PNKD: variants seen among roughly 807,000 people sequenced by gnomAD.
PNKD encodes the protein PNKD metallo-beta-lactamase domain containing, also known as probable thioesterase PNKD.
A neutral mutation model predicts 45.3 loss-of-function variants in PNKD; 36 were observed. The observed-to-expected ratio is 0.80, with a 90% CI of 0.61 to 1.05. The LOEUF (loss-of-function observed/expected upper bound fraction) is 1.05, where lower values mean the gene tolerates loss of function less well. PNKD is among the 50% of genes least tolerant of loss of function. The pLI, the probability that PNKD is intolerant of heterozygous loss-of-function variation, is 0.00. For synonymous variants in PNKD, 197 were observed against 210.1 expected (o/e 0.94, Z 0.54); for missense variants, 511 against 506.6 (o/e 1.01, Z -0.08).
At chr2:218,330,943 C>G (rs907912162) in intron 2 of PNKD, among the ~76,000 whole-genome samples, 18 of 152,188 alleles carry the variant, frequency 1.2e-4, no homozygotes, top group Admixed American at 2.6e-4. Flanking sequence ...ACTGGCCCAG[C>G]CTGCAAGGGA....
chr2:218,277,186 G>A, intron 2 of PNKD: 2 of 1,246,668 alleles, frequency 1.6e-6, no homozygotes, highest in Non-Finnish European at 2.4e-6. Flanking sequence ...TCCCAGTGCT[G>A]CCTCCTAGGG....
intron 5 of PNKD, among the ~76,000 whole-genome samples, chr2:218,341,055 G>A (rs1471789438): frequency 6.6e-6 from 1 of 152,142 alleles, no homozygotes; most frequent in Non-Finnish European, 1.5e-5. Flanking sequence ...CTGCACACTG[G>A]GCATGGACAA....
chr2:218,318,723 T>A (rs557670125), intron 2 of PNKD, among the ~76,000 whole-genome samples: 1 of 152,236 alleles, frequency 6.6e-6, no homozygotes, highest in South Asian at 2.1e-4. Context: ...CCTCCCTGAC[T>A]TCATGGGGCT....
At chr2:218,275,711 C>CACTGTGTGGCGCATAG in intron 2 of PNKD, 1 of 1,477,942 alleles carries the variant, frequency 6.8e-7, no homozygotes, top group Non-Finnish European at 9.2e-7. Flanking sequence ...GGGGCCTATG[C>CACTGTGTGGCGCATAG]GCCACACAGT....
rs1574645067 is a variant in PNKD at position 218,281,595 on chromosome 2, G to A, written c.236+10046G>A. Among the ~76,000 whole-genome samples, 3 of 152,342 alleles carry A rather than the reference G, an allele frequency of 2.0e-5. No individual in the cohort carries two copies. In the South Asian group the frequency reaches 6.2e-4, roughly 32 times the overall value. On this transcript the variant is annotated intron_variant, in intron 2 of 9. Coordinates refer to ENST00000273077, the MANE Select transcript of PNKD (RefSeq NM_015488.5). ...CTAAGGAAGTCGACAGGTCTGGGAG[G>A]TGGCAGCAGCTTGTTGGCCGCTTGT...
intron 1 of PNKD, chr2:218,270,924 G>T (rs1378696904): frequency 2.0e-5 from 7 of 354,906 alleles, no homozygotes; most frequent in East Asian, 4.6e-5. Flanking sequence ...TCCAGCCCCG[G>T]ATAATTAGCA....
intron 2 of PNKD, among the ~76,000 whole-genome samples, chr2:218,299,740 G>A (rs1378236288): frequency 6.6e-6 from 1 of 151,950 alleles, no homozygotes; most frequent in Non-Finnish European, 1.5e-5. Flanking sequence ...TCCTGCCTCA[G>A]CCTCCCAAGT....
intron 2 of PNKD, among the ~76,000 whole-genome samples, chr2:218,297,335 G>C (rs1693162649): frequency 6.6e-6 from 1 of 152,164 alleles, no homozygotes; most frequent in African/African-American, 2.4e-5. Flanking sequence ...GTGAAGTTTT[G>C]TTCCAGCTTT....
At chr2:218,271,300 C>T in intron 1 of PNKD, 81 bp from the exon 2 acceptor site, 1 of 1,193,878 alleles carries the variant, frequency 8.4e-7, no homozygotes, top group South Asian at 1.2e-5. Flanking sequence ...AGCCGCTCCT[C>T]CCAAGCCCTT....
At chr2:218,321,934 CTTTTTT>C (rs35226712) in intron 2 of PNKD, among the ~76,000 whole-genome samples, 14 of 120,496 alleles carry the variant, frequency 1.2e-4, no homozygotes, top group East Asian at 4.9e-4. Context: ...GAGCTTGACT[CTTTTTT>C]TTTTTTTTTT....
Position 218,344,982 on chromosome 2 carries a change from T to C in PNKD, c.*1T>C, listed in dbSNP as rs1694792232. On this transcript the variant is annotated 3_prime_UTR_variant, in exon 10 of 10. Coordinates refer to ENST00000273077, the MANE Select transcript of PNKD (RefSeq NM_015488.5). ...GAAGGATATGCACAAGAGCAAGTGA[T>C]GCCCCCAGCGCCCCCAGCCCAGCCC... is the stretch of plus-strand genomic sequence containing the variant. 2 of 1,611,156 alleles carry C rather than the reference T, an allele frequency of 1.2e-6. No individual in the cohort carries two copies. Among genetic ancestry groups the C allele is most frequent in the South Asian group, 1.1e-5 (1 of 90,958 alleles).
chr2:218,332,548 C>T (rs1326749306), intron 2 of PNKD, among the ~76,000 whole-genome samples: 1 of 152,100 alleles, frequency 6.6e-6, no homozygotes, highest in Non-Finnish European at 1.5e-5. Context: ...TTCCCTTCCT[C>T]CTTCCCCATC....
chr2:218,278,483 C>T, intron 2 of PNKD: 4 of 1,609,464 alleles, frequency 2.5e-6, no homozygotes, highest in Admixed American at 3.3e-5. Context: ...TCCCTGTCAC[C>T]CCTCTCACTG....
chr2:218,337,176 G>C (rs180713811), intron 2 of PNKD, among the ~76,000 whole-genome samples: 160 of 150,576 alleles, frequency 1.1e-3, no homozygotes, highest in Middle Eastern at 6.8e-3. Flanking sequence ...GTGAGATCTC[G>C]GCTTACTACA....
chr2:218,272,550 G>T (rs1690886398), intron 2 of PNKD: 1 of 1,612,908 alleles, frequency 6.2e-7, no homozygotes, highest in African/African-American at 1.3e-5. Flanking sequence ...CAAACCCCGT[G>T]CACATCTCCC....
At chr2:218,336,212 T>A (rs1324444833) in intron 2 of PNKD, among the ~76,000 whole-genome samples, 26 of 3,542 alleles carry the variant, frequency 7.3e-3, no homozygotes, top group Non-Finnish European at 0.015. Flanking sequence ...AGACTCCATC[T>A]CAAAAAAAAA....
At chr2:218,277,142 C>A (rs375701370) in intron 2 of PNKD, 59 of 1,554,886 alleles carry the variant, frequency 3.8e-5, no homozygotes, top group African/African-American at 5.4e-5. Flanking sequence ...ATGGCTGTGA[C>A]AACCAGCCCA....
intron 2 of PNKD, among the ~76,000 whole-genome samples, chr2:218,316,268 C>CTTTT (rs397972881): frequency 0.012 from 1,410 of 119,500 alleles, 65 homozygotes; most frequent in African/African-American, 0.029. Flanking sequence ...TTCTTTCTTT[C>CTTTT]TTTTTTTTTT....
At chr2:218,323,122 G>T in intron 2 of PNKD, 1 of 1,266,144 alleles carries the variant, frequency 7.9e-7, no homozygotes, top group Non-Finnish European at 1.0e-6. Flanking sequence ...TGAGGGGGCG[G>T]GTCCAAAGGA....
Sources: allele counts gnomAD v4.1 joint callset (sites outside exome capture counted in the v4.1 genomes callset), GRCh38; gene constraint gnomAD v4.1.1; transcripts MANE v1.5; gene names NCBI Gene and HGNC (gene_info 2026-07-23, HGNC 2026-07-21).